PLEKHA7: variants seen among roughly 807,000 people sequenced by gnomAD.
PLEKHA7 encodes the protein pleckstrin homology domain-containing family A member 7.
A neutral mutation model predicts 170.0 loss-of-function variants in PLEKHA7; 104 were observed. That is an observed-to-expected ratio of 0.61 (90% CI 0.52 to 0.72). The LOEUF (loss-of-function observed/expected upper bound fraction) is 0.72, where lower values mean the gene tolerates loss of function less well. Ranked by LOEUF, PLEKHA7 falls within the 30% of genes least tolerant of loss-of-function variation. PLEKHA7 has a pLI of 0.00. For synonymous variants in PLEKHA7, 648 were observed against 660.8 expected (o/e 0.98, Z 0.30); for missense variants, 1,615 against 1,671.7 (o/e 0.97, Z 0.59).
intron 3 of PLEKHA7, among the ~76,000 whole-genome samples, chr11:16,894,636 GC>G (rs1001349480): frequency 2.0e-5 from 3 of 152,042 alleles, no homozygotes; most frequent in African/African-American, 7.3e-5. Context: ...CCTAAATAGT[GC>G]CCAAAATGAA....
chr11:16,938,664 A>G (rs1860476790), intron 3 of PLEKHA7, among the ~76,000 whole-genome samples: 1 of 152,220 alleles, frequency 6.6e-6, no homozygotes, highest in African/African-American at 2.4e-5. Flanking sequence ...TATAGTGATT[A>G]ACATTCACAT....
rs76309113 is a variant in PLEKHA7 at position 16,802,262 on chromosome 11, C to T, written c.2158-445G>A. Among the ~76,000 whole-genome samples the T allele has an allele frequency of 3.9e-4, 60 of 152,354 alleles. 1 individual carries two copies. In the East Asian group the frequency reaches 0.01, roughly 26 times the overall value. On this transcript the variant is annotated intron_variant, in intron 15 of 26. Coordinates refer to ENST00000531066, the MANE Select transcript of PLEKHA7 (RefSeq NM_001329630.2). ...AAATGTTGGTGGCCCCTGGCCCATT[C>T]CGGCACTCCCATCCAGACTTGCTGC... is the stretch of plus-strand genomic sequence containing the variant.
Position 16,874,092 on chromosome 11 carries a change from C to G in PLEKHA7, c.222-2910G>C, listed in dbSNP as rs889884647. 3.9e-5 allele frequency among the ~76,000 whole-genome samples: 6 copies of G among 152,186 alleles called. No homozygotes were observed. The South Asian group carries it at 1.0e-3, about 26-fold the overall frequency. ...GCTCATAACGGAAATAACCATAAAG[C>G]ATTAACACCACTATCTGTGATTATC... On this transcript the variant is annotated intron_variant, in intron 3 of 26. Coordinates refer to ENST00000531066, the MANE Select transcript of PLEKHA7 (RefSeq NM_001329630.2).
chr11:16,870,516 C>T (rs1013166420), intron 4 of PLEKHA7, among the ~76,000 whole-genome samples: 5 of 151,770 alleles, frequency 3.3e-5, no homozygotes, highest in South Asian at 2.1e-4. Flanking sequence ...GTAGTTCCAG[C>T]GACTTGGGCG....
chr11:16,865,755 A>G (rs1250412810), intron 4 of PLEKHA7, among the ~76,000 whole-genome samples: 1 of 152,108 alleles, frequency 6.6e-6, no homozygotes, highest in East Asian at 1.9e-4. Flanking sequence ...TCTTAGTGAG[A>G]CTCAAAAGGT....
At chr11:16,843,196 T>G (rs183300642) in intron 8 of PLEKHA7, among the ~76,000 whole-genome samples, 2 of 152,354 alleles carry the variant, frequency 1.3e-5, no homozygotes, top group East Asian at 3.9e-4. Flanking sequence ...TCTCTGTATA[T>G]TGCTCCCAGG....
At chr11:16,866,964 A>T (rs1420542760) in intron 4 of PLEKHA7, among the ~76,000 whole-genome samples, 1 of 152,144 alleles carries the variant, frequency 6.6e-6, no homozygotes, top group Admixed American at 6.5e-5. Context: ...AGGAGAAGTC[A>T]CCATGGGATG....
chr11:16,956,029 A>T (rs1200289291), intron 3 of PLEKHA7, among the ~76,000 whole-genome samples: 1 of 152,182 alleles, frequency 6.6e-6, no homozygotes, highest in Admixed American at 6.5e-5. Flanking sequence ...AAAGTTAGGG[A>T]TGAGTATGGT....
At chr11:16,811,572 G>T (rs1238032651) in intron 13 of PLEKHA7, among the ~76,000 whole-genome samples, 3 of 152,158 alleles carry the variant, frequency 2.0e-5, no homozygotes, top group Non-Finnish European at 2.9e-5. Context: ...AGGATGGGCT[G>T]GGCTGCCACA....
At chr11:16,967,245 G>A (rs1862429147) in intron 3 of PLEKHA7, among the ~76,000 whole-genome samples, 2 of 152,148 alleles carry the variant, frequency 1.3e-5, no homozygotes, top group Non-Finnish European at 2.9e-5. Context: ...GCTAGTTAAA[G>A]TTTAGAAAAG....
chr11:16,841,299 C>T (rs1851938469), intron 9 of PLEKHA7, among the ~76,000 whole-genome samples: 1 of 152,158 alleles, frequency 6.6e-6, no homozygotes, highest in African/African-American at 2.4e-5. Context: ...CAAGGTCTTC[C>T]CTTCCACCAT....
In PLEKHA7 at chr11:16,802,963, G is replaced by T. The variant is rs1320268862; in HGVS notation, c.2157+9C>A. The T allele has an allele frequency of 6.2e-7, 1 of 1,607,778 alleles. No individual in the cohort carries two copies. Among genetic ancestry groups the T allele is most frequent in the Non-Finnish European group, 8.5e-7 (1 of 1,174,172 alleles). The stretch of plus-strand genomic sequence containing the variant: ...GCCCATTCCAAGATTATTCAAAACT[G>T]ACACGTACTTTGTTCTCTTTAAGGG... On this transcript the variant is annotated intron_variant, in intron 15 of 26. Coordinates refer to ENST00000531066, the MANE Select transcript of PLEKHA7 (RefSeq NM_001329630.2).
At chr11:16,840,116 T>C (rs1448727620) in intron 9 of PLEKHA7, among the ~76,000 whole-genome samples, 2 of 152,204 alleles carry the variant, frequency 1.3e-5, no homozygotes, top group African/African-American at 4.8e-5. Context: ...TTGACGTAGT[T>C]ACTGATTCAG....
At chr11:16,891,651 A>G (rs143892771) in intron 3 of PLEKHA7, among the ~76,000 whole-genome samples, 2 of 152,332 alleles carry the variant, frequency 1.3e-5, no homozygotes, top group East Asian at 3.9e-4. Flanking sequence ...GACTCACTTA[A>G]TAATAGTATA....
chr11:16,941,149 T>A (rs1341306349), intron 3 of PLEKHA7, among the ~76,000 whole-genome samples: 2 of 152,200 alleles, frequency 1.3e-5, no homozygotes, highest in Non-Finnish European at 2.9e-5. Context: ...CTGAGGTCAC[T>A]CTTTGCTCTT....
intron 15 of PLEKHA7, among the ~76,000 whole-genome samples, chr11:16,802,035 C>T (rs1198681012): frequency 3.3e-5 from 5 of 152,084 alleles, no homozygotes; most frequent in African/African-American, 1.2e-4. Context: ...ATTTTGTCAT[C>T]TATAAACTAG....
chr11:16,827,786 C>T (rs781166843), intron 9 of PLEKHA7, among the ~76,000 whole-genome samples: 1 of 143,622 alleles, frequency 7.0e-6, no homozygotes, highest in Non-Finnish European at 1.5e-5. Flanking sequence ...ATAACAAAGA[C>T]GTTTACTTAG....
chr11:16,836,700 A>G (rs1201092459), intron 9 of PLEKHA7, among the ~76,000 whole-genome samples: 1 of 152,208 alleles, frequency 6.6e-6, no homozygotes, highest in Non-Finnish European at 1.5e-5. Context: ...TGAAAATTTC[A>G]GCTCTCAGAA....
intron 6 of PLEKHA7, among the ~76,000 whole-genome samples, chr11:16,854,075 C>T (rs1853217587): frequency 6.6e-6 from 1 of 152,228 alleles, no homozygotes; most frequent in Non-Finnish European, 1.5e-5. Context: ...AACCACGTTA[C>T]TTTCTCTTGA....
Sources: allele counts gnomAD v4.1 joint callset (sites outside exome capture counted in the v4.1 genomes callset), GRCh38; gene constraint gnomAD v4.1.1; transcripts MANE v1.5; gene names NCBI Gene and HGNC (gene_info 2026-07-23, HGNC 2026-07-21).